Variants in ASIC2 observed in about 807,000 individuals in gnomAD.
The protein encoded by ASIC2 is acid sensing ion channel subunit 2, also known as acid-sensing ion channel 2.
Under a neutral mutation model 57.3 loss-of-function variants are expected in ASIC2, and 25 were observed. That is an observed-to-expected ratio of 0.44 (90% CI 0.32 to 0.61). The LOEUF (loss-of-function observed/expected upper bound fraction) is 0.61, where lower values mean the gene tolerates loss of function less well. ASIC2 is among the 20% of genes least tolerant of loss of function. The pLI is 0.06. For synonymous variants in ASIC2, 319 were observed against 307.5 expected (o/e 1.04, Z -0.39); for missense variants, 641 against 738.1 (o/e 0.87, Z 1.52).
At chr17:33,625,766 G>A (rs1370843466) in intron 1 of ASIC2, among the ~76,000 whole-genome samples, 3 of 152,226 alleles carry the variant, frequency 2.0e-5, no homozygotes, top group African/African-American at 7.2e-5. Context: ...GAGTTTTAAG[G>A]AGAACAAGCT....
chr17:34,092,801 C>T (rs986001991), intron 1 of ASIC2, among the ~76,000 whole-genome samples: 2 of 152,322 alleles, frequency 1.3e-5, no homozygotes, highest in African/African-American at 4.8e-5. Flanking sequence ...TGACAATACT[C>T]TCCCCATCCT....
At chr17:33,111,159 C>T (rs1023337260) in intron 2 of ASIC2, among the ~76,000 whole-genome samples, 12 of 152,272 alleles carry the variant, frequency 7.9e-5, no homozygotes, top group Admixed American at 1.3e-4. Flanking sequence ...TCTGTGATTA[C>T]ATCAGGCCCA....
chr17:33,878,593 A>C (rs531606243), intron 1 of ASIC2, among the ~76,000 whole-genome samples: 1 of 152,382 alleles, frequency 6.6e-6, no homozygotes, highest in South Asian at 2.1e-4. Flanking sequence ...GCCTCCAAGA[A>C]ATATGGCACT....
At chr17:34,112,823 T>C (rs1398907050) in intron 1 of ASIC2, among the ~76,000 whole-genome samples, 2 of 152,138 alleles carry the variant, frequency 1.3e-5, no homozygotes, top group Admixed American at 6.6e-5. Flanking sequence ...AGCTTCAATA[T>C]TGCTAAGAGT....
intron 1 of ASIC2, among the ~76,000 whole-genome samples, chr17:34,028,652 C>A (rs1454526321): frequency 1.3e-5 from 2 of 152,230 alleles, no homozygotes; most frequent in Non-Finnish European, 2.9e-5. Context: ...TATCTGGAGT[C>A]ATAAAATATT....
chr17:33,126,907 C>A (rs994385106), intron 1 of ASIC2, among the ~76,000 whole-genome samples: 2 of 120,808 alleles, frequency 1.7e-5, no homozygotes, highest in Non-Finnish European at 3.2e-5. Flanking sequence ...GTCGCCCAGG[C>A]GGGACTGCGG....
intron 1 of ASIC2, among the ~76,000 whole-genome samples, chr17:33,301,002 T>TTTTA (rs1448735008): frequency 4.2e-5 from 5 of 119,570 alleles, no homozygotes; most frequent in African/African-American, 1.7e-4. Context: ...AACTCATTCT[T>TTTTA]TTTATTCATT....
At chr17:33,974,121 T>C (rs1196474684) in intron 1 of ASIC2, among the ~76,000 whole-genome samples, 1 of 146,020 alleles carries the variant, frequency 6.8e-6, no homozygotes, top group African/African-American at 2.7e-5. Context: ...CTTTCTTAGG[T>C]TTTTTTTTTC....
intron 1 of ASIC2, among the ~76,000 whole-genome samples, chr17:33,180,337 G>T (rs1197046366): frequency 6.6e-6 from 1 of 152,218 alleles, no homozygotes; most frequent in Non-Finnish European, 1.5e-5. Flanking sequence ...AGGGGAAGGA[G>T]CATGGTCTGA....
intron 1 of ASIC2, among the ~76,000 whole-genome samples, chr17:33,134,504 T>C (rs761490923): frequency 4.6e-5 from 7 of 151,918 alleles, no homozygotes; most frequent in African/African-American, 7.3e-5. Flanking sequence ...TAAAAAGGAG[T>C]TATTTATATT....
chr17:34,087,884 G>A (rs1910170879), intron 1 of ASIC2, among the ~76,000 whole-genome samples: 1 of 152,152 alleles, frequency 6.6e-6, no homozygotes, highest in Non-Finnish European at 1.5e-5. Flanking sequence ...TTGGCTTTCA[G>A]CTCCATCAGC....
At chr17:33,548,037 A>C (rs1004267471) in intron 1 of ASIC2, among the ~76,000 whole-genome samples, 1 of 152,238 alleles carries the variant, frequency 6.6e-6, no homozygotes, top group Non-Finnish European at 1.5e-5. Flanking sequence ...ATCAGAATGC[A>C]GTCTCTCAGA....
chr17:33,263,828 C>T (rs919253239), intron 1 of ASIC2, among the ~76,000 whole-genome samples: 1 of 152,236 alleles, frequency 6.6e-6, no homozygotes, highest in African/African-American at 2.4e-5. Context: ...TGCCCGGTTC[C>T]TCTCCATGCT....
rs7211931 is a variant in ASIC2, at chr17:33,918,345, A to G, written c.555+237633T>C. 5.9e-3 allele frequency among the ~76,000 whole-genome samples: 893 copies of G among 152,290 alleles called. 4 individuals carry two copies. The highest frequency in any genetic ancestry group is 0.021 in the African/African-American group (852 of 41,554). On this transcript the variant is annotated intron_variant, in intron 1 of 9. Coordinates refer to the ASIC2 transcript ENST00000359872. ...GTTAGCTTTGTAACTTGTCTGCCCAATAAAATTGTAAAGTCTCTTATTGTT... is the reference window on the plus strand; with the variant it reads ...GTTAGCTTTGTAACTTGTCTGCCCAGTAAAATTGTAAAGTCTCTTATTGTT...
chr17:33,072,471 A>G (rs1352974626), intron 3 of ASIC2, among the ~76,000 whole-genome samples: 1 of 152,112 alleles, frequency 6.6e-6, no homozygotes, highest in African/African-American at 2.4e-5. Context: ...AATAACACTA[A>G]ATGCCATTCC....
At chr17:33,428,591 G>C (rs1911296578) in intron 1 of ASIC2, among the ~76,000 whole-genome samples, 1 of 152,096 alleles carries the variant, frequency 6.6e-6, no homozygotes, top group Admixed American at 6.6e-5. Flanking sequence ...TAGGACACAG[G>C]GAAGGAAATC....
chr17:33,317,548 T>C (rs1906706039), intron 1 of ASIC2, among the ~76,000 whole-genome samples: 1 of 152,220 alleles, frequency 6.6e-6, no homozygotes, highest in Non-Finnish European at 1.5e-5. Flanking sequence ...CTTTTTACAA[T>C]TCCTTTCCAC....
chr17:33,835,831 A>G (rs1913256802), intron 1 of ASIC2, among the ~76,000 whole-genome samples: 1 of 151,950 alleles, frequency 6.6e-6, no homozygotes, highest in South Asian at 2.1e-4. Context: ...TGTATTTTTT[A>G]GAGATGGGAT....
At chr17:34,102,373 A>G (rs1910898861) in intron 1 of ASIC2, among the ~76,000 whole-genome samples, 1 of 152,030 alleles carries the variant, frequency 6.6e-6, no homozygotes, top group South Asian at 2.1e-4. Context: ...TATAAAGATA[A>G]AAATAAAAAG....
Sources: gnomAD v4.1 joint callset for allele counts (sites outside exome capture counted in the v4.1 genomes callset) on GRCh38, gnomAD v4.1.1 for gene constraint, MANE v1.5 for transcripts, NCBI Gene and HGNC (gene_info 2026-07-23, HGNC 2026-07-21) for gene names.